Variants in CIMIP2A observed in about 807,000 individuals in gnomAD.
CIMIP2A encodes family with sequence similarity 166 member A.
chr9:137,247,565 G>T, the CIMIP2A span: 1 of 1,167,034 alleles, frequency 8.6e-7, no homozygotes, highest in Non-Finnish European at 1.3e-6. Flanking sequence ...TCCAGCTCTG[G>T]GCCCCTCACA....
chr9:137,249,284 G>T, the CIMIP2A span, among the ~76,000 whole-genome samples: 1 of 152,350 alleles, frequency 6.6e-6, no homozygotes, highest in East Asian at 1.9e-4. Context: ...CAGGGTCACA[G>T]TGAGAAGGGC....
At chr9:137,244,899 C>T in the CIMIP2A span, 9 of 1,581,270 alleles carry the variant, frequency 5.7e-6, no homozygotes, top group East Asian at 1.8e-4. Flanking sequence ...GCAGGCAAGG[C>T]ACCGCCTCGT....
the CIMIP2A span, chr9:137,245,273 G>A: frequency 1.3e-6 from 2 of 1,574,488 alleles, no homozygotes; most frequent in Non-Finnish European, 1.7e-6. Context: ...GGGCTGAGCG[G>A]AATGGGCTTG....
chr9:137,252,166 C>G, the CIMIP2A span: 2 of 1,586,888 alleles, frequency 1.3e-6, no homozygotes, highest in South Asian at 2.2e-5. Flanking sequence ...GCCCAACCAC[C>G]GGGCCTGTCC....
chr9:137,243,834 A>G, the CIMIP2A span: 2 of 1,584,124 alleles, frequency 1.3e-6, no homozygotes, highest in Non-Finnish European at 1.7e-6. Context: ...TGTGCCCAGG[A>G]CCAGCATGGG....
At chr9:137,251,742 A>C in the CIMIP2A span, 5 of 1,565,386 alleles carry the variant, frequency 3.2e-6, no homozygotes, top group South Asian at 5.9e-5. Context: ...TTGCAGGCCC[A>C]AGGCATCTGT....
At chr9:137,244,289 C>A in the CIMIP2A span, 6 of 1,613,544 alleles carry the variant, frequency 3.7e-6, no homozygotes, top group African/African-American at 1.3e-5. Flanking sequence ...TAAACAGGAA[C>A]TGGGGAGACA....
the CIMIP2A span, chr9:137,244,167 TCACCG>T: frequency 1.2e-6 from 2 of 1,613,696 alleles, no homozygotes; most frequent in Middle Eastern, 1.7e-4. Context: ...CCCACTCTAC[TCACCG>T]GGGATGAACC....
At chr9:137,254,713 T>C in the CIMIP2A span, among the ~76,000 whole-genome samples, 1 of 150,494 alleles carries the variant, frequency 6.6e-6, no homozygotes, top group Non-Finnish European at 1.5e-5. Flanking sequence ...CCCACCCGCC[T>C]GGGATAAGAA....
At chr9:137,246,950 A>G in the CIMIP2A span, among the ~76,000 whole-genome samples, 1 of 151,974 alleles carries the variant, frequency 6.6e-6, no homozygotes, top group East Asian at 1.9e-4. Flanking sequence ...TTGGGGGGAT[A>G]TCTAGTGAGG....
At chr9:137,244,208 G>A in the CIMIP2A span, 5 of 1,613,930 alleles carry the variant, frequency 3.1e-6, no homozygotes, top group Admixed American at 5.0e-5. Context: ...TCAGGCCTTG[G>A]CTGCTGTAGA....
At chr9:137,244,827 G>A in the CIMIP2A span, 3 of 1,573,492 alleles carry the variant, frequency 1.9e-6, no homozygotes, top group Non-Finnish European at 1.7e-6. Context: ...AGGGAAGCCA[G>A]GCAAGGCTCC....
chr9:137,244,154 C>T, the CIMIP2A span: 2 of 1,612,928 alleles, frequency 1.2e-6, no homozygotes, highest in Non-Finnish European at 1.7e-6. Context: ...CCATGTGACC[C>T]TGCCCACTCT....
chr9:137,253,615 A>T, the CIMIP2A span: 6,699 of 816,766 alleles, frequency 8.2e-3, 40 homozygotes, highest in Middle Eastern at 8.7e-3. Flanking sequence ...TCTCTTCTCT[A>T]GGGTGGCAGC....
the CIMIP2A span, chr9:137,247,611 C>G: frequency 6.4e-7 from 1 of 1,572,432 alleles, no homozygotes; most frequent in South Asian, 1.1e-5. Flanking sequence ...GCCATTCTCC[C>G]CCTCCTGCAG....
the CIMIP2A span, chr9:137,252,347 C>T: frequency 2.1e-6 from 3 of 1,423,052 alleles, no homozygotes; most frequent in South Asian, 3.7e-5. Flanking sequence ...GGTTCAGGGG[C>T]CGAGGGTGGG....
At chr9:137,252,820 G>C in the CIMIP2A span, 1 of 1,568,598 alleles carries the variant, frequency 6.4e-7, no homozygotes, top group Middle Eastern at 1.7e-4. Flanking sequence ...CCCAGTCCCT[G>C]CTTCAGGCCT....
chr9:137,245,847 G>C, the CIMIP2A span: 1 of 1,506,650 alleles, frequency 6.6e-7, no homozygotes. Context: ...GAAAGAAGCC[G>C]GCATAGCTGT....
At chr9:137,243,716 C>T in the CIMIP2A span, 61 of 1,614,156 alleles carry the variant, frequency 3.8e-5, no homozygotes, top group East Asian at 4.0e-4. Flanking sequence ...TGTGTGGTTT[C>T]GCTTTGCCCA....
Sources: allele counts gnomAD v4.1 joint callset (sites outside exome capture counted in the v4.1 genomes callset), GRCh38; gene constraint gnomAD v4.1.1; transcripts MANE v1.5; gene names NCBI Gene and HGNC (gene_info 2026-07-23, HGNC 2026-07-21).